CHD9: variants seen among roughly 807,000 people sequenced by gnomAD.
CHD9 encodes the protein ATP-dependent chromatin remodeler CHD9.
CHD9 carries 77 observed loss-of-function variants against 316.1 expected under a neutral mutation model. The observed-to-expected ratio is 0.24, with a 90% CI of 0.20 to 0.29. CHD9 has a LOEUF of 0.29. Among genes scored for constraint, CHD9 ranks in the 10% least tolerant of loss-of-function variants. CHD9 has a pLI of 1.00. For missense variants in CHD9, 2,763 were observed against 3,438.1 expected, an observed-to-expected ratio of 0.80 and a Z score of 4.91; for synonymous variants, 1,129 against 1,158.3, an observed-to-expected ratio of 0.97 and a Z score of 0.51.
intron 19 of CHD9, among the ~76,000 whole-genome samples, chr16:53,258,544 T>G (rs892665297): frequency 1.3e-5 from 2 of 152,178 alleles, no homozygotes; most frequent in Non-Finnish European, 2.9e-5. Flanking sequence ...AAGTTAGTAG[T>G]ATTTTACACT....
intron 1 of CHD9, among the ~76,000 whole-genome samples, chr16:53,097,757 A>G (rs2036504329): frequency 1.3e-5 from 2 of 152,246 alleles, no homozygotes; most frequent in African/African-American, 2.4e-5. Context: ...TAAGTGAATG[A>G]ATCAATGAAT....
intron 1 of CHD9, among the ~76,000 whole-genome samples, chr16:53,147,033 T>C (rs1319552475): frequency 6.6e-6 from 1 of 152,216 alleles, no homozygotes; most frequent in East Asian, 1.9e-4. Flanking sequence ...TACTGTGTGC[T>C]ACTATTTAGT....
At position 53,209,709 on chromosome 16, in the gene CHD9, A is replaced by G. The variant is rs749282560; in HGVS notation, c.1680A>G (p.Glu560=). The G allele has an allele frequency of 4.1e-5, 66 of 1,613,772 alleles. No homozygotes were observed. In the Admixed American group the frequency reaches 1.1e-3, roughly 26 times the overall value. Residue 560 remains glutamate (E), a synonymous_variant, in exon 3 of 39, where the codon GAA becomes GAG. Coordinates refer to ENST00000447540, the MANE Select transcript of CHD9 (RefSeq NM_001308319.2). The part of the protein sequence containing the change: ...SPENFPTASV[E]GKEEKKGRRM... The stretch of plus-strand genomic sequence containing the variant: ...AAAACTTTCCTACTGCTTCAGTTGA[A>G]GGAAAAGAGGAAAAGAAAGGTAGAA...
chr16:53,125,359 G>A (rs759697400), intron 1 of CHD9, among the ~76,000 whole-genome samples: 1 of 151,852 alleles, frequency 6.6e-6, no homozygotes, highest in East Asian at 1.9e-4. Context: ...GAGTAGCTGG[G>A]ATTATAGGCA....
At chr16:53,311,655 G>A (rs1383963324) in intron 34 of CHD9, 1 of 152,164 alleles carries the variant, frequency 6.6e-6, no homozygotes, top group Non-Finnish European at 1.5e-5. Flanking sequence ...ATGAAGGAGA[G>A]TAAAATAGCA....
chr16:53,233,626 C>T (rs561011168), intron 10 of CHD9, among the ~76,000 whole-genome samples: 1 of 152,198 alleles, frequency 6.6e-6, no homozygotes, highest in African/African-American at 2.4e-5. Flanking sequence ...TCCTCCCCTC[C>T]TTCCTTTCTG....
chr16:53,078,395 T>C (rs557513391), intron 1 of CHD9, among the ~76,000 whole-genome samples: 4 of 152,334 alleles, frequency 2.6e-5, no homozygotes, highest in Non-Finnish European at 5.9e-5. Context: ...TTTCTGTCTC[T>C]TGCACTTACT....
At chr16:53,108,558 A>G (rs566211130) in intron 1 of CHD9, among the ~76,000 whole-genome samples, 8 of 142,312 alleles carry the variant, frequency 5.6e-5, no homozygotes, top group South Asian at 2.3e-4. Flanking sequence ...ATAGATAGAT[A>G]GATGCAGATA....
intron 1 of CHD9, among the ~76,000 whole-genome samples, chr16:53,110,318 G>T (rs1010600888): frequency 2.0e-5 from 3 of 152,204 alleles, no homozygotes; most frequent in Admixed American, 2.0e-4. Context: ...TTGGCTGGGT[G>T]CAGTGCCTCA....
At chr16:53,224,385 T>C (rs2047481439) in intron 4 of CHD9, among the ~76,000 whole-genome samples, 1 of 152,216 alleles carries the variant, frequency 6.6e-6, no homozygotes, top group Admixed American at 6.5e-5. Flanking sequence ...AATGTGTAAC[T>C]ATGTCCTCTA....
chr16:53,198,548 A>C (rs923798439), intron 2 of CHD9, among the ~76,000 whole-genome samples: 1 of 151,464 alleles, frequency 6.6e-6, no homozygotes, highest in Non-Finnish European at 1.5e-5. Context: ...GGATGGTCTC[A>C]ATCTCCTGAC....
chr16:53,162,010 A>G (rs1304308397), intron 2 of CHD9, among the ~76,000 whole-genome samples: 2 of 152,222 alleles, frequency 1.3e-5, no homozygotes, highest in African/African-American at 4.8e-5. Context: ...TCAGCCTCCC[A>G]AAATGCTGGG....
chr16:53,188,792 C>T (rs1034156205), intron 2 of CHD9, among the ~76,000 whole-genome samples: 2 of 151,586 alleles, frequency 1.3e-5, no homozygotes, highest in African/African-American at 4.8e-5. Flanking sequence ...ATCTTGTTGG[C>T]AAGGCTGGTG....
intron 27 of CHD9, among the ~76,000 whole-genome samples, chr16:53,289,416 G>A (rs984690510): frequency 6.6e-6 from 1 of 152,028 alleles, no homozygotes; most frequent in Non-Finnish European, 1.5e-5. Flanking sequence ...AAAGAAAAAT[G>A]TGGAAAATAC....
chr16:53,293,908 A>C (rs2054566626), intron 29 of CHD9, among the ~76,000 whole-genome samples: 1 of 152,078 alleles, frequency 6.6e-6, no homozygotes, highest in Admixed American at 6.6e-5. Context: ...GTATCATACC[A>C]CTGAACTCCA....
At chr16:53,252,722 C>T (rs2050231733) in intron 17 of CHD9, among the ~76,000 whole-genome samples, 1 of 149,248 alleles carries the variant, frequency 6.7e-6, no homozygotes, top group African/African-American at 2.5e-5. Context: ...ACAGTTCCAT[C>T]AAAAAGTGGG....
chr16:53,086,112 C>T (rs1255842501), intron 1 of CHD9, among the ~76,000 whole-genome samples: 1 of 152,056 alleles, frequency 6.6e-6, no homozygotes, highest in African/African-American at 2.4e-5. Context: ...CAGCCACATG[C>T]CCAGAGCTTC....
At chr16:53,166,645 T>C (rs899286128) in intron 2 of CHD9, among the ~76,000 whole-genome samples, 1 of 152,166 alleles carries the variant, frequency 6.6e-6, no homozygotes, top group African/African-American at 2.4e-5. Context: ...GGTTTCTCTA[T>C]TTGGGCAATT....
At chr16:53,294,658 C>A (rs985538912) in intron 29 of CHD9, among the ~76,000 whole-genome samples, 1 of 152,080 alleles carries the variant, frequency 6.6e-6, no homozygotes, top group Admixed American at 6.6e-5. Flanking sequence ...TTCTTATGAC[C>A]CAGTCTCAGT....
Sources: gnomAD v4.1 joint callset for allele counts (sites outside exome capture counted in the v4.1 genomes callset) on GRCh38, gnomAD v4.1.1 for gene constraint, MANE v1.5 for transcripts, NCBI Gene and HGNC (gene_info 2026-07-23, HGNC 2026-07-21) for gene names.